ZNF473: variants seen among roughly 807,000 people sequenced by gnomAD.
ZNF473 encodes zinc finger protein 100 homolog.
ZNF473 carries 4 observed loss-of-function variants against 11.1 expected under a neutral mutation model. The observed-to-expected ratio is 0.36, with a 90% CI of 0.18 to 0.82. The LOEUF (loss-of-function observed/expected upper bound fraction) is 0.82. ZNF473 is among the 40% of genes least tolerant of loss of function. The pLI is 0.49. For missense variants in ZNF473, 854 were observed against 1,084.0 expected, an observed-to-expected ratio of 0.79 and a Z score of 2.98; for synonymous variants, 404 against 390.4, an observed-to-expected ratio of 1.03 and a Z score of -0.41.
Position 50,039,109 on chromosome 19 carries a change from G to T in ZNF473, c.10-52G>T. 4.4e-6 allele frequency: 7 copies of T among 1,606,316 alleles called. No homozygotes were observed. The highest frequency in any genetic ancestry group is 6.0e-6 in the Non-Finnish European group (7 of 1,174,348). ...TGGGAGTGCCCTGAGTGAGCTGTTG[G>T]GCTCCTCCCTGACCCCAGCCTCTGA... On this transcript the variant is annotated intron_variant, in intron 2 of 4. Transcript: ENST00000270617. This position sits in a 1 kb window ranked among gnomAD's most constrained non-coding sequence, Gnocchi z 4.8.
chr19:50,041,814 G>T lies in ZNF473; in HGVS notation c.221G>T (p.Ser74Ile), dbSNP rs772814639. The T allele has an allele frequency of 5.6e-6, 9 of 1,610,860 alleles. No individual in the cohort carries two copies. In the Admixed American group the frequency reaches 1.2e-4, roughly 21 times the overall value. ...GCAGGAGGAAGCCCAGAAGCAACAA[G>T]CCCTGGTGAGTGGATGGAGAGGGGC... is the stretch of plus-strand genomic sequence containing the variant. ...PLAGGSPEAT[S>I]PDVTETKNSP... Residue 74 changes from serine (S) to isoleucine (I), a missense_variant, in exon 4 of 5, where the codon AGC becomes ATC. Physicochemically the swap from Ser to Ile is moderately radical, Grantham distance 142. Coordinates refer to ENST00000270617, the MANE Select transcript of ZNF473 (RefSeq NM_015428.4).
intron 4 of ZNF473, chr19:50,043,447 A>AT (rs1214815171): frequency 3.6e-3 from 370 of 102,746 alleles, no homozygotes; most frequent in Middle Eastern, 4.6e-3. Context: ...AAAAAAAAAA[A>AT]AATATATATA....
chr19:50,035,783 G>A (rs1350473073), intron 2 of ZNF473, among the ~76,000 whole-genome samples: 4 of 152,046 alleles, frequency 2.6e-5, no homozygotes, highest in Non-Finnish European at 5.9e-5. Context: ...CATTAGAGAG[G>A]TGGACTAACA....
intron 1 of ZNF473, 96 bp from the exon 2 acceptor site, chr19:50,030,796 T>G (rs2077313563): frequency 1.0e-4 from 51 of 498,324 alleles, no homozygotes; most frequent in Non-Finnish European, 1.1e-4. Context: ...TAACCCACCA[T>G]TGTTGGTGGC....
intron 2 of ZNF473, among the ~76,000 whole-genome samples, chr19:50,038,503 G>A (rs1051875124): frequency 6.6e-6 from 1 of 152,156 alleles, no homozygotes; most frequent in African/African-American, 2.4e-5. Flanking sequence ...AGGTGACACT[G>A]CATGGAAGCA....
intron 2 of ZNF473, among the ~76,000 whole-genome samples, chr19:50,037,569 C>A (rs1272182475): frequency 1.3e-5 from 2 of 151,864 alleles, no homozygotes; most frequent in African/African-American, 4.8e-5. Context: ...GCCTGTAATC[C>A]CAACACTTCA....
chr19:50,029,350 G>A (rs961453624), intron 1 of ZNF473, among the ~76,000 whole-genome samples: 2 of 152,198 alleles, frequency 1.3e-5, no homozygotes, highest in South Asian at 2.1e-4. Context: ...GTTTCACCGC[G>A]TTAGCCAGGA....
In ZNF473 at chr19:50,031,088, T is replaced by C; in HGVS notation, c.6T>C (p.Ala2=). ...CTACTGAACCCCAGTTGGCCATGGC[T>C]GAGGTGAGTTGAAGGTCGCTCTGTC... M[A]EEFVTLKDVG... Residue 2 remains alanine (A), a synonymous_variant, in exon 2 of 5, where the codon GCT becomes GCC. Coordinates refer to ENST00000270617, the MANE Select transcript of ZNF473 (RefSeq NM_015428.4). 1 of 1,567,422 alleles carries C rather than the reference T, an allele frequency of 6.4e-7. No individual in the cohort carries two copies. Among genetic ancestry groups the C allele is most frequent in the Non-Finnish European group, 8.7e-7 (1 of 1,155,412 alleles).
At position 50,030,980 on chromosome 19, in the gene ZNF473, A is replaced by G. The variant is rs1317198334; in HGVS notation, c.-103A>G. ...AGCGAGTCAGCCATGGGTGGAAGGG[A>G]GGCTTTCTCACAGCTCCCTTGTGCT... On this transcript the variant is annotated 5_prime_UTR_variant, in exon 2 of 5. Coordinates refer to ENST00000270617, the MANE Select transcript of ZNF473 (RefSeq NM_015428.4). 2 of 1,510,066 alleles carry G rather than the reference A, an allele frequency of 1.3e-6. No individual in the cohort carries two copies. The highest frequency in any genetic ancestry group is 2.4e-5 in the South Asian group (2 of 83,164). The allele number at this position is 1,510,066 out of a possible 1,614,324, so 93.5% of individuals were successfully genotyped here.
At chr19:50,028,826 C>T (rs566394704) in intron 1 of ZNF473, among the ~76,000 whole-genome samples, 5 of 152,312 alleles carry the variant, frequency 3.3e-5, no homozygotes, top group African/African-American at 1.2e-4. Context: ...GGCCAAATAT[C>T]TGTCAACTGA....
rs997720491 is a variant in ZNF473, at chr19:50,027,225, GC to G, written c.-192+1104del. Reference sequence around the variant, plus strand: ...TTTGGTCATAAAATGTTTCTGTGGGGCAAGGTGTGAATATTCACACTTATGA... The same window carrying G: ...TTTGGTCATAAAATGTTTCTGTGGGGAAGGTGTGAATATTCACACTTATGA... On this transcript the variant is annotated intron_variant, in intron 1 of 4. Transcript: ENST00000270617. 1.3e-4 allele frequency among the ~76,000 whole-genome samples: 20 copies of G among 152,298 alleles called. 1 individual carries two copies. The East Asian group carries it at 2.7e-3, about 21-fold the overall frequency.
chr19:50,036,340 G>A (rs1464713211), intron 2 of ZNF473, among the ~76,000 whole-genome samples: 1 of 131,208 alleles, frequency 7.6e-6, no homozygotes, highest in Non-Finnish European at 1.5e-5. Flanking sequence ...TTGAGATGGA[G>A]TCTCACTCTG....
chr19:50,030,787 A>G, intron 1 of ZNF473, 105 bp from the exon 2 acceptor site: 1 of 507,974 alleles, frequency 2.0e-6, no homozygotes, highest in Non-Finnish European at 3.6e-6. Flanking sequence ...GTTAGGTGCT[A>G]ACCCACCATT....
chr19:50,042,308 G>A (rs1408921615), intron 4 of ZNF473: 2 of 152,482 alleles, frequency 1.3e-5, no homozygotes, highest in East Asian at 1.9e-4. Flanking sequence ...CATCTCCCAA[G>A]CCGGGGTTCC....
Position 50,046,108 on chromosome 19 carries a change from A to G in ZNF473, c.1665A>G (p.Pro555=). The G allele has an allele frequency of 6.2e-7, 1 of 1,614,232 alleles. No homozygotes were observed. Among genetic ancestry groups the G allele is most frequent in the Non-Finnish European group, 8.5e-7 (1 of 1,180,042 alleles). The part of the protein sequence containing the change: ...FVSGKILDQN[P]EQKEKCFKCN... ...GTGGGAAGATCTTGGATCAGAACCC[A>G]GAACAGAAAGAGAAGTGCTTTAAGT... The change falls in exon 5 of 5, where the codon CCA becomes CCG. Residue 555 remains proline, a synonymous_variant. Coordinates refer to ENST00000270617, the MANE Select transcript of ZNF473 (RefSeq NM_015428.4). The surrounding 1 kb of genome is among the most constrained non-coding windows in gnomAD (Gnocchi z 5.9).
intron 1 of ZNF473, among the ~76,000 whole-genome samples, chr19:50,026,370 C>T (rs1206658230): frequency 6.6e-6 from 1 of 151,872 alleles, no homozygotes; most frequent in African/African-American, 2.4e-5. Flanking sequence ...AGGAGTTCCT[C>T]GAACCCCCAG....
Position 50,047,035 on chromosome 19 carries a change from C to T in ZNF473, c.2592C>T (p.His864=), listed in dbSNP as rs762399283. ...GCCTCAGCCGCCATCAGCGTGTACA[C>T]AACAAGCAGCAATACTGCCTGTAGC... The part of the protein sequence containing the change: ...HSSLSRHQRV[H]NKQQYCL The change falls in exon 5 of 5, where the codon CAC becomes CAT. Residue 864 remains histidine, a synonymous_variant. Transcript: ENST00000270617. The T allele has an allele frequency of 1.3e-5, 21 of 1,612,844 alleles. No individual in the cohort carries two copies. Among genetic ancestry groups the T allele is most frequent in the Non-Finnish European group, 1.8e-5 (21 of 1,179,388 alleles).
intron 2 of ZNF473, among the ~76,000 whole-genome samples, chr19:50,032,331 AC>A (rs1346933086): frequency 1.3e-5 from 2 of 151,668 alleles, no homozygotes. Context: ...AAATTGACTT[AC>A]GCAGTCAGGA....
rs1249321361 is a variant in ZNF473, at chr19:50,048,694, C to G, written c.*1635C>G. ...GTGGGGGCAGTCTGTAAATCAGTCA[C>G]CTGTGTTGCTGCAGGCCAAGGTAGA... On this transcript the variant is annotated 3_prime_UTR_variant, in exon 5 of 5. Transcript: ENST00000270617. The G allele has an allele frequency of 6.6e-6, 1 of 152,254 alleles. No homozygotes were observed. Among genetic ancestry groups the G allele is most frequent in the Non-Finnish European group, 1.5e-5 (1 of 68,080 alleles). 9.4% of individuals were successfully genotyped at this position (152,254 alleles called of 1,614,324 possible).
Sources: allele counts gnomAD v4.1 joint callset (sites outside exome capture counted in the v4.1 genomes callset), GRCh38; gene constraint gnomAD v4.1.1; non-coding constraint Gnocchi (gnomAD v3.1); transcripts MANE v1.5; gene names NCBI Gene and HGNC (gene_info 2026-07-23, HGNC 2026-07-21).